IL1R1: variants seen among roughly 807,000 people sequenced by gnomAD.
The protein encoded by IL1R1 is interleukin-1 receptor type 1.
Under a neutral mutation model 50.2 loss-of-function variants are expected in IL1R1, and 22 were observed. The observed-to-expected ratio is 0.44, with a 90% CI of 0.31 to 0.63. The LOEUF (loss-of-function observed/expected upper bound fraction) is 0.63, where lower values mean the gene tolerates loss of function less well. Ranked by LOEUF, IL1R1 falls within the 20% of genes least tolerant of loss-of-function variation. IL1R1 has a pLI of 0.07. For synonymous variants in IL1R1, 251 were observed against 236.7 expected, an observed-to-expected ratio of 1.06 and a Z score of -0.55; for missense variants, 509 against 676.2, an observed-to-expected ratio of 0.75 and a Z score of 2.74.
At chr2:102,076,265 C>T (rs906304492) in intron 1 of IL1R1, among the ~76,000 whole-genome samples, 1 of 150,668 alleles carries the variant, frequency 6.6e-6, no homozygotes, top group Non-Finnish European at 1.5e-5. Flanking sequence ...GCAAGCTCCG[C>T]CTCCCAGGTT....
At chr2:102,119,668 C>A (rs559900065) in intron 1 of IL1R1, among the ~76,000 whole-genome samples, 1 of 152,118 alleles carries the variant, frequency 6.6e-6, no homozygotes, top group Non-Finnish European at 1.5e-5. Flanking sequence ...TATTGAGGTA[C>A]AACTGACAAA....
intron 1 of IL1R1, among the ~76,000 whole-genome samples, chr2:102,136,597 C>T (rs981414100): frequency 6.6e-5 from 10 of 151,952 alleles, no homozygotes; most frequent in African/African-American, 9.7e-5. Context: ...AGGCTGGTCT[C>T]GAACCCCTGA....
chr2:102,119,918 T>C (rs1056784449), intron 1 of IL1R1, among the ~76,000 whole-genome samples: 2 of 152,226 alleles, frequency 1.3e-5, no homozygotes, highest in African/African-American at 4.8e-5. Flanking sequence ...CATTTCATGA[T>C]GAAAAATGTA....
chr2:102,162,371 G>C (rs1684805865), intron 3 of IL1R1, among the ~76,000 whole-genome samples: 1 of 152,160 alleles, frequency 6.6e-6, no homozygotes, highest in Non-Finnish European at 1.5e-5. Flanking sequence ...CTTTCAATGA[G>C]AGTGTTTAGA....
At chr2:102,081,992 C>T (rs1032739822) in intron 1 of IL1R1, among the ~76,000 whole-genome samples, 1 of 152,156 alleles carries the variant, frequency 6.6e-6, no homozygotes, top group Non-Finnish European at 1.5e-5. Context: ...GTTAGCCTGC[C>T]TCAGAATACC....
chr2:102,159,912 G>A (rs560383010), intron 3 of IL1R1, among the ~76,000 whole-genome samples: 4 of 152,242 alleles, frequency 2.6e-5, no homozygotes, highest in Admixed American at 6.5e-5. Context: ...CTGCTGATCC[G>A]TGATTTGGCA....
chr2:102,075,214 C>T (rs562969708), intron 1 of IL1R1, among the ~76,000 whole-genome samples: 52 of 152,272 alleles, frequency 3.4e-4, no homozygotes, highest in African/African-American at 1.2e-3. Flanking sequence ...ACTGTACCTT[C>T]AACTCTCTGA....
rs143542808 is a variant in IL1R1 at position 102,080,961 on chromosome 2, A to G, written c.-84+10428A>G. On this transcript the variant is annotated intron_variant, in intron 1 of 11. Coordinates refer to the IL1R1 transcript ENST00000409929. Reference sequence around the variant, plus strand: ...CTAAGTGAGAGGAGCTAGTTACAGAAGCCCACACATTGTATAATTCCATTT... The same window carrying G: ...CTAAGTGAGAGGAGCTAGTTACAGAGGCCCACACATTGTATAATTCCATTT... Among the ~76,000 whole-genome samples, 544 of 152,352 alleles carry G rather than the reference A, an allele frequency of 3.6e-3. 6 individuals carry two copies. Among genetic ancestry groups the G allele is most frequent in the African/African-American group, 0.012 (506 of 41,586 alleles).
chr2:102,106,224 T>C (rs964591179), intron 1 of IL1R1, among the ~76,000 whole-genome samples: 1 of 152,076 alleles, frequency 6.6e-6, no homozygotes, highest in African/African-American at 2.4e-5. Flanking sequence ...TGGAGAACAG[T>C]GACGTGTGTG....
At chr2:102,151,412 G>C (rs1683640880) in intron 1 of IL1R1, among the ~76,000 whole-genome samples, 1 of 152,112 alleles carries the variant, frequency 6.6e-6, no homozygotes, top group Non-Finnish European at 1.5e-5. Context: ...ATGCAAAAAT[G>C]GTGGGTAGGT....
upstream of IL1R1, chr2:102,142,591 T>C (rs1286480239): frequency 6.6e-6 from 1 of 151,362 alleles, no homozygotes; most frequent in Admixed American, 6.6e-5. Flanking sequence ...CAGGGCGGTG[T>C]CCGCAGGGGT....
chr2:102,071,865 C>G (rs1678735785), intron 1 of IL1R1, among the ~76,000 whole-genome samples: 1 of 152,196 alleles, frequency 6.6e-6, no homozygotes, highest in Admixed American at 6.5e-5. Flanking sequence ...CAGTGGCTGC[C>G]AAGGGCCATC....
chr2:102,157,984 A>G (rs550638828), intron 3 of IL1R1, among the ~76,000 whole-genome samples, 199 bp downstream of exon 3: 1 of 152,304 alleles, frequency 6.6e-6, no homozygotes, highest in East Asian at 1.9e-4. Context: ...ATAGAGTGGG[A>G]AACTGAGGCC....
chr2:102,121,202 C>T (rs780754004), intron 1 of IL1R1, among the ~76,000 whole-genome samples: 6 of 152,164 alleles, frequency 3.9e-5, no homozygotes, highest in African/African-American at 7.2e-5. Flanking sequence ...TCCAGCCACC[C>T]GGTGCTGACC....
At chr2:102,075,733 T>A (rs1216896887) in intron 1 of IL1R1, among the ~76,000 whole-genome samples, 1 of 152,228 alleles carries the variant, frequency 6.6e-6, no homozygotes, top group African/African-American at 2.4e-5. Context: ...TCCCAGGGAA[T>A]GTAAAGCATA....
At chr2:102,167,508 T>A (rs949462857) in intron 6 of IL1R1, among the ~76,000 whole-genome samples, 1 of 139,364 alleles carries the variant, frequency 7.2e-6, no homozygotes, top group Non-Finnish European at 1.5e-5. Flanking sequence ...AGTGCAGTGG[T>A]GCGATCTCCG....
chr2:102,099,978 A>G (rs1303588101), upstream of IL1R1, among the ~76,000 whole-genome samples: 2 of 152,126 alleles, frequency 1.3e-5, no homozygotes, highest in Non-Finnish European at 2.9e-5. Context: ...GACTCCCAGA[A>G]TGTGGTAAGC....
chr2:102,127,023 C>G (rs1047235866), intron 1 of IL1R1, among the ~76,000 whole-genome samples: 3 of 152,222 alleles, frequency 2.0e-5, no homozygotes, highest in Admixed American at 1.3e-4. Context: ...GCAAACCCCT[C>G]TTGTGAACCC....
chr2:102,100,245 C>T (rs1018815846), upstream of IL1R1, among the ~76,000 whole-genome samples: 3 of 152,194 alleles, frequency 2.0e-5, no homozygotes, highest in African/African-American at 7.2e-5. Context: ...TCTACCCTCC[C>T]TCCTTTCCTG....
Sources: allele counts gnomAD v4.1 joint callset (sites outside exome capture counted in the v4.1 genomes callset), GRCh38; gene constraint gnomAD v4.1.1; transcripts MANE v1.5; gene names NCBI Gene and HGNC (gene_info 2026-07-23, HGNC 2026-07-21).